The following SDK1 variants were observed in gnomAD, a reference collection of about 807,000 sequenced individuals.
The protein encoded by SDK1 is protein sidekick-1.
In SDK1, 157 loss-of-function variants were observed where a neutral mutation model predicts 245.5. The ratio of observed to expected loss-of-function variants is 0.64; its 90% CI spans 0.56 to 0.73. SDK1 has a LOEUF of 0.73. Among genes scored for constraint, SDK1 ranks in the 30% least tolerant of loss-of-function variants. The probability of loss-of-function intolerance (pLI) is 0.00; values close to 1 mark genes in which losing one functional copy is unlikely to be tolerated. For missense variants in SDK1, 3,583 were observed against 3,002.3 expected (o/e 1.19, Z -4.52); for synonymous variants, 1,647 against 1,278.5 (o/e 1.29, Z -6.15).
At chr7:3,866,871 C>G (rs193149917) in intron 5 of SDK1, among the ~76,000 whole-genome samples, 1 of 152,228 alleles carries the variant, frequency 6.6e-6, no homozygotes, top group East Asian at 1.9e-4. Context: ...GACCTTGAAC[C>G]CATTAGCCAT....
intron 5 of SDK1, among the ~76,000 whole-genome samples, chr7:3,946,809 A>C (rs1446340729): frequency 6.6e-6 from 1 of 152,206 alleles, no homozygotes; most frequent in Non-Finnish European, 1.5e-5. Context: ...AGGAAAGGGA[A>C]TGTCTCTGTG....
At chr7:4,220,719 A>G (rs1020839012) in intron 39 of SDK1, among the ~76,000 whole-genome samples, 5 of 152,094 alleles carry the variant, frequency 3.3e-5, no homozygotes, top group African/African-American at 1.2e-4. Context: ...TCCCGGGCAC[A>G]GTGTGGGGTG....
chr7:4,168,345 G>A (rs945691997), intron 32 of SDK1, among the ~76,000 whole-genome samples: 4 of 152,194 alleles, frequency 2.6e-5, no homozygotes, highest in Non-Finnish European at 5.9e-5. Flanking sequence ...GGTGGCTGAC[G>A]GACACTGTGT....
intron 5 of SDK1, among the ~76,000 whole-genome samples, chr7:3,841,727 T>TAATTTTTGTATTA (rs1263128083): frequency 6.6e-6 from 1 of 152,094 alleles, no homozygotes; most frequent in Non-Finnish European, 1.5e-5. Flanking sequence ...CATGCCTGGC[T>TAATTTTTGTATTA]AATTTTTGTA....
intron 1 of SDK1, among the ~76,000 whole-genome samples, chr7:3,425,726 G>A (rs1004648839): frequency 2.0e-5 from 3 of 152,144 alleles, no homozygotes; most frequent in Non-Finnish European, 4.4e-5. Flanking sequence ...AAGATAAGTA[G>A]AAAAAGACAG....
chr7:3,478,896 C>G (rs1271712773), intron 1 of SDK1, among the ~76,000 whole-genome samples: 1 of 151,890 alleles, frequency 6.6e-6, no homozygotes, highest in African/African-American at 2.4e-5. Context: ...TATTATTTTT[C>G]ATGTATACTT....
intron 2 of SDK1, among the ~76,000 whole-genome samples, chr7:3,628,437 A>C (rs1211634300): frequency 6.6e-6 from 1 of 152,168 alleles, no homozygotes; most frequent in Non-Finnish European, 1.5e-5. Flanking sequence ...GTTTGTCCTA[A>C]GGACATCAGT....
intron 1 of SDK1, among the ~76,000 whole-genome samples, chr7:3,375,572 G>T (rs977893344): frequency 6.6e-6 from 1 of 152,146 alleles, no homozygotes; most frequent in Non-Finnish European, 1.5e-5. Context: ...ACAAGACATT[G>T]TAACCTCTGT....
chr7:3,863,450 C>G (rs1324000056), intron 5 of SDK1, among the ~76,000 whole-genome samples: 1 of 152,182 alleles, frequency 6.6e-6, no homozygotes, highest in Non-Finnish European at 1.5e-5. Context: ...ACCATTTTAA[C>G]TATGTTTGCA....
Position 4,241,887 on chromosome 7 carries a change from C to T in SDK1, c.6225C>T (p.Ser2075=). The T allele has an allele frequency of 1.2e-6, 2 of 1,613,936 alleles. No individual in the cohort carries two copies. Among genetic ancestry groups the T allele is most frequent in the Non-Finnish European group, 1.7e-6 (2 of 1,180,038 alleles). Residue 2075 remains serine, a synonymous_variant, in exon 43 of 45, where the codon AGC becomes AGT. Coordinates refer to ENST00000404826, the MANE Select transcript of SDK1 (RefSeq NM_152744.4). ...GCAGCCGCCACCTCAATGTCAAGAG[C>T]ACCTTCTCCAAGAAGAACGGGACCA... The part of the protein sequence containing the change: ...ELSSRHLNVK[S]TFSKKNGTRS...
At chr7:4,046,925 T>G (rs187933854) in intron 17 of SDK1, among the ~76,000 whole-genome samples, 1 of 152,166 alleles carries the variant, frequency 6.6e-6, no homozygotes, top group South Asian at 2.1e-4. Flanking sequence ...ATTGATTGGT[T>G]TGGGGAGAAT....
At chr7:4,053,524 C>G (rs929575472) in intron 19 of SDK1, among the ~76,000 whole-genome samples, 1 of 152,142 alleles carries the variant, frequency 6.6e-6, no homozygotes, top group African/African-American at 2.4e-5. Context: ...CTCCCTCACT[C>G]AAAATCGGCA....
At chr7:4,193,156 T>TATATATTAAAATATTTATATATTGTATAA (rs563524512) in intron 35 of SDK1, among the ~76,000 whole-genome samples, 1,773 of 130,948 alleles carry the variant, frequency 0.014, 17 homozygotes, top group South Asian at 0.036. Context: ...ATTTATATAA[T>TATATATTAAAATATTTATATATTGTATAA]ATATATTAAA....
At chr7:3,703,643 T>G (rs749975879) in intron 4 of SDK1, among the ~76,000 whole-genome samples, 8 of 152,212 alleles carry the variant, frequency 5.3e-5, no homozygotes, top group Non-Finnish European at 1.0e-4. Context: ...CCTTAAGCAG[T>G]ATCCATTAAG....
Position 4,118,413 on chromosome 7 carries a change from A to G in SDK1, c.3823+4139A>G, listed in dbSNP as rs1258324489. On this transcript the variant is annotated intron_variant, in intron 25 of 44. Coordinates refer to ENST00000404826, the MANE Select transcript of SDK1 (RefSeq NM_152744.4). ...CTCCTAAAATAAGATGGCTAAAATA[A>G]GAAAAGTTGGACAATAACAGGTATT... is the stretch of plus-strand genomic sequence containing the variant. 2.0e-5 allele frequency among the ~76,000 whole-genome samples: 3 copies of G among 152,252 alleles called. No individual in the cohort carries two copies. In the South Asian group the frequency reaches 6.2e-4, roughly 32 times the overall value.
rs771975245 is a variant in SDK1, at chr7:3,971,578, A to G, written c.1817+10A>G. The G allele has an allele frequency of 3.4e-5, 54 of 1,578,822 alleles. No homozygotes were observed. The highest frequency in any genetic ancestry group is 4.5e-5 in the East Asian group (2 of 44,674). The stretch of plus-strand genomic sequence containing the variant: ...CCCGGGTTTCACTCCGGTCAGCACA[A>G]TCAGTTACAATGCTTTGGGGCTTGT... On this transcript the variant is annotated intron_variant, in intron 12 of 44. Transcript: ENST00000404826.
At chr7:3,682,582 G>C (rs911701486) in intron 4 of SDK1, among the ~76,000 whole-genome samples, 2 of 6,712 alleles carry the variant, frequency 3.0e-4, no homozygotes, top group African/African-American at 5.4e-4. Flanking sequence ...CCTTCAGCAC[G>C]GCTGGCCTCT....
chr7:4,160,289 T>C (rs1781030624), intron 31 of SDK1, among the ~76,000 whole-genome samples: 2 of 152,248 alleles, frequency 1.3e-5, no homozygotes, highest in African/African-American at 4.8e-5. Context: ...GATGTCATTG[T>C]CGTAATCTCT....
At chr7:3,876,101 T>A (rs1417875863) in intron 5 of SDK1, among the ~76,000 whole-genome samples, 1 of 152,202 alleles carries the variant, frequency 6.6e-6, no homozygotes, top group Non-Finnish European at 1.5e-5. Flanking sequence ...TGCTGTGGTG[T>A]GAGTCAGGCA....
Sources: allele counts gnomAD v4.1 joint callset (sites outside exome capture counted in the v4.1 genomes callset), GRCh38; gene constraint gnomAD v4.1.1; transcripts MANE v1.5; gene names NCBI Gene and HGNC (gene_info 2026-07-23, HGNC 2026-07-21).